The following SLC7A4 variants were observed in gnomAD, a reference collection of about 807,000 sequenced individuals.
The protein encoded by SLC7A4 is solute carrier family 7 member 4.
SLC7A4 carries 30 observed loss-of-function variants against 37.8 expected under a neutral mutation model. That is an observed-to-expected ratio of 0.79 (90% CI 0.59 to 1.08). The LOEUF (loss-of-function observed/expected upper bound fraction) is 1.08. Among genes scored for constraint, SLC7A4 ranks in the 50% least tolerant of loss-of-function variants. The pLI is 0.00. For synonymous variants in SLC7A4, 359 were observed against 376.5 expected (o/e 0.95, Z 0.54); for missense variants, 839 against 843.2 (o/e 1.00, Z 0.06).
At position 21,031,031 on chromosome 22, in the gene SLC7A4, G is replaced by A. The variant is rs763424997; in HGVS notation, c.782C>T (p.Ala261Val). Residue 261 changes from alanine (A) to valine (V), a missense_variant, in exon 2 of 5, where the codon GCC becomes GTC. By Grantham distance (64) the Ala-to-Val change is moderately conservative. Coordinates refer to ENST00000382932, the MANE Select transcript of SLC7A4 (RefSeq NM_004173.3). The stretch of plus-strand genomic sequence containing the variant: ...AGGCACAGACCGCCGTGGGTTCTGG[G>A]CCTCCTCACTGGAGGCGGCAATGAC... Reference protein sequence around the residue: ...FDVIAASSEEAQNPRRSVPLA... With the variant: ...FDVIAASSEEVQNPRRSVPLA... 17 of 1,614,020 alleles carry A rather than the reference G, an allele frequency of 1.1e-5. No homozygotes were observed. The highest frequency in any genetic ancestry group is 1.4e-5 in the Non-Finnish European group (17 of 1,180,028).
Position 21,030,924 on chromosome 22 carries a change from G to A in SLC7A4, c.889C>T (p.His297Tyr), listed in dbSNP as rs1172528402. The change falls in exon 2 of 5, where the codon CAC becomes TAC. Residue 297 changes from histidine (H) to tyrosine (Y), a missense_variant. His to Tyr is a moderately conservative substitution (Grantham distance 83). Transcript: ENST00000382932. ...AGCGCTGAGTCGGGGTCCAGGCTGTGCCAGGGCACCATGAGGGTTAGCACG... is the reference window on the plus strand; with the variant it reads ...AGCGCTGAGTCGGGGTCCAGGCTGTACCAGGGCACCATGAGGGTTAGCACG... ...STVLTLMVPW[H>Y]SLDPDSALAD... 1 of 1,614,026 alleles carries A rather than the reference G, an allele frequency of 6.2e-7. No individual in the cohort carries two copies. Among genetic ancestry groups the A allele is most frequent in the Non-Finnish European group, 8.5e-7 (1 of 1,179,978 alleles).
chr22:21,031,098 C>T lies in SLC7A4; in HGVS notation c.715G>A (p.Ala239Thr). Residue 239 changes from alanine (A) to threonine (T), a missense_variant, in exon 2 of 5, where the codon GCC (alanine) becomes ACC (threonine). Ala to Thr is a moderately conservative substitution (Grantham distance 58). Transcript: ENST00000382932. ...FAPFGFSGVMAGTASCFYAFV... is the reference protein window; with the variant it reads ...FAPFGFSGVMTGTASCFYAFV... Reference sequence around the variant, plus strand: ...GCATAGAAGCAGGAGGCAGTGCCGGCCATGACGCCGGAGAAGCCGAAGGGT... The same window carrying T: ...GCATAGAAGCAGGAGGCAGTGCCGGTCATGACGCCGGAGAAGCCGAAGGGT... The T allele has an allele frequency of 6.2e-7, 1 of 1,614,028 alleles. No homozygotes were observed. The highest frequency in any genetic ancestry group is 1.1e-5 in the South Asian group (1 of 91,076).
At chr22:21,029,481 T>C in intron 3 of SLC7A4, 37 bp from the exon 4 acceptor site, 2 of 1,500,488 alleles carry the variant, frequency 1.3e-6, no homozygotes, top group South Asian at 2.3e-5. Flanking sequence ...TGGGCCGGGC[T>C]GCAGGAAAGA....
intron 2 of SLC7A4, 100 bp from the exon 3 acceptor site, chr22:21,030,451 T>C: frequency 8.3e-7 from 1 of 1,198,624 alleles, no homozygotes; most frequent in Non-Finnish European, 1.2e-6. Flanking sequence ...AACAAGGGCA[T>C]GAGCTTGTCT....
rs760593309 is a variant in SLC7A4 at position 21,030,125 on chromosome 22, T to A, written c.1209A>T (p.Thr403=). The A allele has an allele frequency of 1.9e-6, 3 of 1,613,418 alleles. No homozygotes were observed. In the South Asian group the frequency reaches 3.3e-5, roughly 18 times the overall value. Residue 403 remains threonine (T), a synonymous_variant, in exon 3 of 5, where the codon ACA becomes ACT. Transcript: ENST00000382932. The part of the protein sequence containing the change: ...FLSLGTLLAY[T]FVATSIIVLR... The stretch of plus-strand genomic sequence containing the variant: ...GCACAATGATACTGGTGGCCACGAA[T>A]GTGTAGGCCAGGAGTGTGCCAAGGG...
At position 21,030,910 on chromosome 22, in the gene SLC7A4, G is replaced by C. The variant is rs377216630; in HGVS notation, c.903C>G (p.Pro301=). Reference sequence around the variant, plus strand: ...AGAAGGCATCTGCAAGCGCTGAGTCGGGGTCCAGGCTGTGCCAGGGCACCA... The same window carrying C: ...AGAAGGCATCTGCAAGCGCTGAGTCCGGGTCCAGGCTGTGCCAGGGCACCA... ...TLMVPWHSLD[P]DSALADAFYQ... is the part of the protein sequence containing the mutation. The change falls in exon 2 of 5, where the codon CCC becomes CCG. Residue 301 remains proline (P), a synonymous_variant. Transcript: ENST00000382932. The C allele has an allele frequency of 6.2e-7, 1 of 1,613,848 alleles. No homozygotes were observed. Among genetic ancestry groups the C allele is most frequent in the Admixed American group, 1.7e-5 (1 of 59,988 alleles).
chr22:21,029,427 C>G lies in SLC7A4; in HGVS notation c.1641G>C (p.Leu547=). The G allele has an allele frequency of 6.2e-7, 1 of 1,613,270 alleles. No individual in the cohort carries two copies. Among genetic ancestry groups the G allele is most frequent in the Non-Finnish European group, 8.5e-7 (1 of 1,179,712 alleles). Reference sequence around the variant, plus strand: ...TGAGGACGATGCTCAGGGCTGGAATCAGGGGAACCATGGGGATCTGAGGAG... The same window carrying G: ...TGAGGACGATGCTCAGGGCTGGAATGAGGGGAACCATGGGGATCTGAGGAG... ...EDLFQIPMVP[L]IPALSIVLNI... is the part of the protein sequence containing the mutation. The change falls in exon 4 of 5, where the codon CTG becomes CTC. Residue 547 remains leucine (L), a synonymous_variant. Coordinates refer to ENST00000382932, the MANE Select transcript of SLC7A4 (RefSeq NM_004173.3).
In SLC7A4 at chr22:21,031,255, A is replaced by G. The variant is rs778096469; in HGVS notation, c.558T>C (p.Cys186=). The G allele has an allele frequency of 2.5e-6, 4 of 1,613,230 alleles. No individual in the cohort carries two copies. Among genetic ancestry groups the G allele is most frequent in the Non-Finnish European group, 3.4e-6 (4 of 1,179,616 alleles). The change falls in exon 2 of 5, where the codon TGT becomes TGC. Residue 186 remains cysteine, a synonymous_variant. Coordinates refer to ENST00000382932, the MANE Select transcript of SLC7A4 (RefSeq NM_004173.3). Reference sequence around the variant, plus strand: ...TGAGCCAGGAGGACACGCGGGCTCCACAGGAGACAAAGGCAGAGGCCAGGA... The same window carrying G: ...TGAGCCAGGAGGACACGCGGGCTCCGCAGGAGACAAAGGCAGAGGCCAGGA... ...IILLASAFVS[C]GARVSSWLNH...
At chr22:21,031,885 T>C (rs1928899502) in intron 1 of SLC7A4, 33 bp from the exon 2 acceptor site, 3 of 1,405,190 alleles carry the variant, frequency 2.1e-6, no homozygotes, top group South Asian at 3.3e-5. Context: ...ACAGGATGCG[T>C]AGCCGGGGCC....
In SLC7A4 at chr22:21,031,695, G is replaced by A. The variant is rs1434866590; in HGVS notation, c.118C>T (p.Leu40=). The A allele has an allele frequency of 6.2e-7, 1 of 1,613,512 alleles. No homozygotes were observed. Among genetic ancestry groups the A allele is most frequent in the Non-Finnish European group, 8.5e-7 (1 of 1,179,840 alleles). The part of the protein sequence containing the change: ...ETSLRRCLST[L]DLTLLGVGGM... ...CCCACGCCCAGAAGAGTCAGGTCCAGCGTGGACAGGCAGCGCCGCAGTGAC... is the reference window on the plus strand; with the variant it reads ...CCCACGCCCAGAAGAGTCAGGTCCAACGTGGACAGGCAGCGCCGCAGTGAC... The change falls in exon 2 of 5, where the codon CTG becomes TTG. Residue 40 remains leucine (L), a synonymous_variant. Transcript: ENST00000382932.
At chr22:21,030,601 A>G (rs771595444) in intron 2 of SLC7A4, among the ~76,000 whole-genome samples, 4 of 152,188 alleles carry the variant, frequency 2.6e-5, no homozygotes, top group Non-Finnish European at 5.9e-5. Context: ...GAAATAATCT[A>G]TAAGGACATG....
Position 21,030,069 on chromosome 22 carries a change from G to A in SLC7A4, c.1265C>T (p.Ser422Phe), listed in dbSNP as rs753516535. 6.2e-7 allele frequency: 1 copy of A among 1,612,292 alleles called. No individual in the cohort carries two copies. Reference sequence around the variant, plus strand: ...GGGGCCAGGGCTGGCTGGGCCTGGGGAGCTGGGCGGGGAAGACTTCTGGAA... The same window carrying A: ...GGGGCCAGGGCTGGCTGGGCCTGGGAAGCTGGGCGGGGAAGACTTCTGGAA... ...LRFQKSSPPS[S>F]PGPASPGPLT... The change falls in exon 3 of 5, where the codon TCC (serine) becomes TTC (phenylalanine). Residue 422 changes from serine (S) to phenylalanine (F), a missense_variant. Transcript: ENST00000382932.
rs1928840395 is a variant in SLC7A4, at chr22:21,030,235, G to T, written c.1099C>A (p.Pro367Thr). 6 of 1,613,902 alleles carry T rather than the reference G, an allele frequency of 3.7e-6. No individual in the cohort carries two copies. The highest frequency in any genetic ancestry group is 5.1e-6 in the Non-Finnish European group (6 of 1,180,036). Residue 367 changes from proline to threonine, a missense_variant, in exon 3 of 5, where the codon CCT (proline) becomes ACT (threonine). Pro to Thr is a conservative substitution (Grantham distance 38, BLOSUM62 -1). Coordinates refer to ENST00000382932, the MANE Select transcript of SLC7A4 (RefSeq NM_004173.3). The part of the protein sequence containing the change: ...FAHVHPRTQV[P>T]VAGTLAFGLL... ...CCGAACGCCAGGGTGCCCGCCACAG[G>T]CACCTGTGTCCGGGGGTGCACATGG...
intron 2 of SLC7A4, 52 bp downstream of exon 2, chr22:21,030,779 A>C (rs1447590833): frequency 1.7e-5 from 25 of 1,510,048 alleles, no homozygotes; most frequent in Non-Finnish European, 2.2e-5. Flanking sequence ...ATCTGAGGAC[A>C]AGGTCCCCCT....
At chr22:21,030,465 C>T in intron 2 of SLC7A4, 114 bp from the exon 3 acceptor site, 5 of 1,084,124 alleles carry the variant, frequency 4.6e-6, no homozygotes, top group Non-Finnish European at 6.6e-6. Context: ...CTTGTCTGGG[C>T]TCTCAGAGTA....
rs773915832 is a variant in SLC7A4, at chr22:21,029,396, A to G, written c.1672T>C (p.Cys558Arg). The G allele has an allele frequency of 1.2e-6, 2 of 1,613,810 alleles. No individual in the cohort carries two copies. The highest frequency in any genetic ancestry group is 2.2e-5 in the South Asian group (2 of 91,084). Residue 558 changes from cysteine to arginine, a missense_variant, in exon 4 of 5, where the codon TGC (cysteine) becomes CGC (arginine). Coordinates refer to ENST00000382932, the MANE Select transcript of SLC7A4 (RefSeq NM_004173.3). ...AGATAGCTAAGTTTCAGCATGAGGC[A>G]GATGTTGAGGACGATGCTCAGGGCT... ...IPALSIVLNI[C>R]LMLKLSYLTW...
intron 3 of SLC7A4, 58 bp downstream of exon 3, chr22:21,029,653 G>A: frequency 1.3e-6 from 2 of 1,545,044 alleles, no homozygotes; most frequent in Non-Finnish European, 1.8e-6. Context: ...ATGGTAGTGG[G>A]GGAAGGGGAG....
Position 21,029,026 on chromosome 22 carries a change from G to C in SLC7A4, c.*29C>G. The C allele has an allele frequency of 6.4e-7, 1 of 1,571,370 alleles. No individual in the cohort carries two copies. Among genetic ancestry groups the C allele is most frequent in the South Asian group, 1.2e-5 (1 of 85,588 alleles). On this transcript the variant is annotated 3_prime_UTR_variant, in exon 5 of 5. Coordinates refer to ENST00000382932, the MANE Select transcript of SLC7A4 (RefSeq NM_004173.3). The stretch of plus-strand genomic sequence containing the variant: ...CTCTCTGGCCTCCCAAGCAGGTGTG[G>C]GAGGGCGGGGCAAGTGTGGGCTGAT...
rs1928816371 is a variant in SLC7A4 at position 21,029,764 on chromosome 22, T to C, written c.1570A>G (p.Ser524Gly). The stretch of plus-strand genomic sequence containing the variant: ...TGGTGAGCCCCCAGGACAAGGAGGC[T>C]GAGCAGAAACATGACACTGGTGAGC... Reference protein sequence around the residue: ...LLLTSVMFLLSLLVLGAHQQQ... With the variant: ...LLLTSVMFLLGLLVLGAHQQQ... Residue 524 changes from serine to glycine, a missense_variant, in exon 3 of 5, where the codon AGC becomes GGC. Physicochemically the swap from Ser to Gly is moderately conservative, Grantham distance 56. Coordinates refer to ENST00000382932, the MANE Select transcript of SLC7A4 (RefSeq NM_004173.3). 1 of 1,613,286 alleles carries C rather than the reference T, an allele frequency of 6.2e-7. No homozygotes were observed. The highest frequency in any genetic ancestry group is 8.5e-7 in the Non-Finnish European group (1 of 1,180,004).
Sources: gnomAD v4.1 joint callset for allele counts (sites outside exome capture counted in the v4.1 genomes callset) on GRCh38, gnomAD v4.1.1 for gene constraint, MANE v1.5 for transcripts, NCBI Gene and HGNC (gene_info 2026-07-23, HGNC 2026-07-21) for gene names.